The following CHD1 variants were observed in gnomAD, a reference collection of about 807,000 sequenced individuals.
The protein encoded by CHD1 is chromodomain helicase DNA binding protein 1.
In CHD1, 36 loss-of-function variants were observed where a neutral mutation model predicts 224.2. That is an observed-to-expected ratio of 0.16 (90% CI 0.12 to 0.21). CHD1 has a LOEUF of 0.21. Ranked by LOEUF, CHD1 falls within the 10% of genes least tolerant of loss-of-function variation. The probability of loss-of-function intolerance (pLI) is 1.00; values close to 1 mark genes in which losing one functional copy is unlikely to be tolerated. For missense variants in CHD1, 1,378 were observed against 1,994.8 expected, an observed-to-expected ratio of 0.69 and a Z score of 5.89; for synonymous variants, 668 against 658.3, an observed-to-expected ratio of 1.01 and a Z score of -0.23.
chr5:98,899,565 T>C lies in CHD1; in HGVS notation c.1000A>G (p.Thr334Ala). ...TTCTGCTGCTTGAGGGTTTCTTCTGTCTCCCAAGTGTTGTGGATATGGGAC... is the reference window on the plus strand; with the variant it reads ...TTCTGCTGCTTGAGGGTTTCTTCTGCCTCCCAAGTGTTGTGGATATGGGAC... ...GWSHIHNTWETEETLKQQNVR... is the reference protein window; with the variant it reads ...GWSHIHNTWEAEETLKQQNVR... Residue 334 changes from threonine to alanine, a missense_variant, in exon 8 of 36, where the codon ACA (threonine) becomes GCA (alanine). Thr to Ala is a moderately conservative substitution (Grantham distance 58, BLOSUM62 0). This residue lies in a region of CHD1 where 6 missense variants were observed against 37.0 expected (regional missense o/e 0.16). Coordinates refer to ENST00000614616, the MANE Select transcript of CHD1 (RefSeq NM_001270.4). 1.9e-6 allele frequency: 3 copies of C among 1,613,914 alleles called. No individual in the cohort carries two copies. The highest frequency in any genetic ancestry group is 2.5e-6 in the Non-Finnish European group (3 of 1,179,872).
At chr5:98,883,580 C>T (rs754911529) in intron 18 of CHD1, among the ~76,000 whole-genome samples, 10 of 151,652 alleles carry the variant, frequency 6.6e-5, no homozygotes, top group Non-Finnish European at 8.8e-5. Context: ...GTAGAACTAC[C>T]ACTTGATCCC....
At chr5:98,867,711 A>C (rs1345404427) in intron 31 of CHD1, among the ~76,000 whole-genome samples, 1 of 152,076 alleles carries the variant, frequency 6.6e-6, no homozygotes, top group African/African-American at 2.4e-5. Flanking sequence ...AGTTGCTTCT[A>C]AATTTAAGAC....
intron 2 of CHD1, among the ~76,000 whole-genome samples, chr5:98,912,117 T>C (rs1294403022): frequency 6.6e-6 from 1 of 152,198 alleles, no homozygotes; most frequent in Admixed American, 6.5e-5. Flanking sequence ...TGCAACCTAC[T>C]ATATCACAAG....
Position 98,894,705 on chromosome 5 carries a change from G to C in CHD1, c.1711-19C>G. ...TTCTTATCTATTAAGAAATTTGAAG[G>C]ACAATTTTTAAGACAAACATCAAGC... On this transcript the variant is annotated intron_variant, in intron 12 of 35. Coordinates refer to ENST00000614616, the MANE Select transcript of CHD1 (RefSeq NM_001270.4). 8.2e-7 allele frequency: 1 copy of C among 1,216,604 alleles called. No individual in the cohort carries two copies. Among genetic ancestry groups the C allele is most frequent in the Non-Finnish European group, 1.2e-6 (1 of 855,300 alleles). 75.4% of individuals were successfully genotyped at this position (1,216,604 alleles called of 1,614,324 possible).
chr5:98,926,180 A>G (rs1451686869), intron 2 of CHD1, among the ~76,000 whole-genome samples, 154 bp downstream of exon 2: 1 of 152,206 alleles, frequency 6.6e-6, no homozygotes, highest in Non-Finnish European at 1.5e-5. Context: ...AGGTTCGTAT[A>G]TCAGAATTTT....
rs182126552 is a variant in CHD1, at chr5:98,904,850, A to G, written c.255+47T>C. ...ATAAACCAATCCTCTAAATTTTCCCAAAGTAATACAAGCAATCTACCTTTC... is the reference window on the plus strand; with the variant it reads ...ATAAACCAATCCTCTAAATTTTCCCGAAGTAATACAAGCAATCTACCTTTC... On this transcript the variant is annotated intron_variant, in intron 3 of 35. Coordinates refer to ENST00000614616, the MANE Select transcript of CHD1 (RefSeq NM_001270.4). The G allele has an allele frequency of 1.5e-4, 240 of 1,558,914 alleles. 2 individuals are homozygous for G. The East Asian group carries it at 4.3e-3, about 28-fold the overall frequency.
chr5:98,926,522 T>TC lies in CHD1; in HGVS notation c.-137dup. 4.4e-6 allele frequency: 2 copies of TC among 449,530 alleles called. No homozygotes were observed. The highest frequency in any genetic ancestry group is 7.7e-6 in the Non-Finnish European group (2 of 259,654). The allele number at this position is 449,530 out of a possible 1,614,324, so 27.8% of individuals were successfully genotyped here. On this transcript the variant is annotated 5_prime_UTR_variant, in exon 2 of 36. Transcript: ENST00000614616. ...AACAGTCACAGGTTTTCTGGGACTC[T>TC]CCTTTGATTCACCTAAAGAAAATAT...
chr5:98,883,725 A>T (rs1337762807), intron 18 of CHD1: 2 of 162,344 alleles, frequency 1.2e-5, no homozygotes, highest in Non-Finnish European at 2.6e-5. Context: ...TCAATCAACA[A>T]GAAGATAAAC....
At position 98,903,896 on chromosome 5, in the gene CHD1, T is replaced by C. The variant is rs374099792; in HGVS notation, c.268A>G (p.Ser90Gly). 2 of 1,597,048 alleles carry C rather than the reference T, an allele frequency of 1.3e-6. No individual in the cohort carries two copies. Among genetic ancestry groups the C allele is most frequent in the Non-Finnish European group, 8.6e-7 (1 of 1,169,072 alleles). ...KVDGAEFWKS[S>G]PSILAVQRSA... Reference sequence around the variant, plus strand: ...CTCTGAACGGCCAGAATACTAGGACTAGATTTCCAAAACTATAATAGAAAT... The same window carrying C: ...CTCTGAACGGCCAGAATACTAGGACCAGATTTCCAAAACTATAATAGAAAT... The change falls in exon 4 of 36, where the codon AGT becomes GGT. Residue 90 changes from serine (S) to glycine (G), a missense_variant. Ser to Gly is a moderately conservative substitution (Grantham distance 56). Transcript: ENST00000614616.
chr5:98,928,014 T>C (rs546253387), intron 1 of CHD1, among the ~76,000 whole-genome samples: 3 of 152,280 alleles, frequency 2.0e-5, no homozygotes, highest in African/African-American at 7.2e-5. Context: ...CGAAAGAGGT[T>C]TGGAAACCAT....
Position 98,870,667 on chromosome 5 carries a change from G to T in CHD1, c.3978+20C>A. On this transcript the variant is annotated intron_variant, in intron 29 of 35. Coordinates refer to ENST00000614616, the MANE Select transcript of CHD1 (RefSeq NM_001270.4). ...TTACTAAAAAGTAAACTGGTCTTAG[G>T]CATGTGGGCTTTAACTTACCGCACC... is the stretch of plus-strand genomic sequence containing the variant. The T allele has an allele frequency of 7.1e-7, 1 of 1,416,050 alleles. No individual in the cohort carries two copies. The highest frequency in any genetic ancestry group is 1.3e-5 in the South Asian group (1 of 79,190). The allele number at this position is 1,416,050 out of a possible 1,614,324, so 87.7% of individuals were successfully genotyped here.
intron 2 of CHD1, among the ~76,000 whole-genome samples, chr5:98,917,170 A>G (rs931370659): frequency 6.6e-6 from 1 of 152,046 alleles, no homozygotes; most frequent in African/African-American, 2.4e-5. Flanking sequence ...TAAAAATTAA[A>G]TCACTCTGCT....
intron 2 of CHD1, among the ~76,000 whole-genome samples, chr5:98,907,585 T>C (rs867266754): frequency 1.2e-5 from 1 of 81,022 alleles, no homozygotes. Context: ...CAAAACTCCA[T>C]CTCAAAAAAA....
At position 98,902,918 on chromosome 5, in the gene CHD1, T is replaced by G; in HGVS notation, c.419A>C (p.Lys140Thr). ...EDSDDSSSEV[K>T]RKKHKDEDWQ... is the part of the protein sequence containing the mutation. ...GACATACTCTTTATGCTTTTTCCTT[T>G]TGACCTCACTTGATGAGTCATCGGA... Residue 140 changes from lysine to threonine, a missense_variant, in exon 5 of 36, where the codon AAA becomes ACA. By Grantham distance (78) the Lys-to-Thr change is moderately conservative. Transcript: ENST00000614616. The G allele has an allele frequency of 6.2e-7, 1 of 1,604,794 alleles. No homozygotes were observed. The highest frequency in any genetic ancestry group is 8.5e-7 in the Non-Finnish European group (1 of 1,173,692).
rs1747887309 is a variant in CHD1 at position 98,854,554 on chromosome 5, A to G, written c.*1826T>C. On this transcript the variant is annotated 3_prime_UTR_variant, in exon 36 of 36. Transcript: ENST00000614616. ...ATATTTAATTATAAATTAGATGTTTAAAAAACTGAGCTACTCCCTCACATG... is the reference window on the plus strand; with the variant it reads ...ATATTTAATTATAAATTAGATGTTTGAAAAACTGAGCTACTCCCTCACATG... 1 of 152,132 alleles carries G rather than the reference A, an allele frequency of 6.6e-6. No homozygotes were observed. The highest frequency in any genetic ancestry group is 1.5e-5 in the Non-Finnish European group (1 of 67,974). 9.4% of individuals were successfully genotyped at this position (152,132 alleles called of 1,614,324 possible). A position where few individuals can be genotyped will look rare whatever the true frequency, so the allele number is the denominator to read the frequency against.
At position 98,899,623 on chromosome 5, in the gene CHD1, T is replaced by TC; in HGVS notation, c.941dup (p.Glu315ArgfsTer7). On this transcript the variant is annotated frameshift_variant, in exon 8 of 36. Transcript: ENST00000614616. LOFTEE classifies it high-confidence loss of function. ...TCCATTTAATTAAATACTGAATCTC[T>TC]CCTGGTTCTTTGTTTTTTTCAAAGC... 1 of 1,614,012 alleles carries TC rather than the reference T, an allele frequency of 6.2e-7. No individual in the cohort carries two copies. The highest frequency in any genetic ancestry group is 8.5e-7 in the Non-Finnish European group (1 of 1,179,936).
At chr5:98,918,562 G>A (rs1752892597) in intron 2 of CHD1, among the ~76,000 whole-genome samples, 1 of 150,592 alleles carries the variant, frequency 6.6e-6, no homozygotes, top group Non-Finnish European at 1.5e-5. Context: ...GAGGTCAGGA[G>A]ATCGAGACTA....
rs2112432745 is a variant in CHD1 at position 98,855,788 on chromosome 5, T to G, written c.*592A>C. The G allele has an allele frequency of 6.6e-6, 1 of 152,082 alleles. No homozygotes were observed. The highest frequency in any genetic ancestry group is 1.5e-5 in the Non-Finnish European group (1 of 67,966). 9.4% of individuals were successfully genotyped at this position (152,082 alleles called of 1,614,324 possible). A position where few individuals can be genotyped will look rare whatever the true frequency, so the allele number is the denominator to read the frequency against. On this transcript the variant is annotated 3_prime_UTR_variant, in exon 36 of 36. Coordinates refer to ENST00000614616, the MANE Select transcript of CHD1 (RefSeq NM_001270.4). Reference sequence around the variant, plus strand: ...ATATTTACAATAATTTACAGCCATTTTTTTTGTAAAAAGGCATAATAGATC... The same window carrying G: ...ATATTTACAATAATTTACAGCCATTGTTTTTGTAAAAAGGCATAATAGATC...
intron 29 of CHD1, 104 bp downstream of exon 29, chr5:98,870,583 T>C: frequency 1.9e-6 from 1 of 537,258 alleles, no homozygotes; most frequent in Non-Finnish European, 3.3e-6. Flanking sequence ...GAAAAATCCA[T>C]TTATATAAGC....
Sources: gnomAD v4.1 joint callset for allele counts (sites outside exome capture counted in the v4.1 genomes callset) on GRCh38, gnomAD v4.1.1 for gene constraint, gnomAD v4.1.1 regional missense constraint, MANE v1.5 for transcripts, NCBI Gene and HGNC (gene_info 2026-07-23, HGNC 2026-07-21) for gene names.